The following RANBP2 variants were observed in gnomAD, a reference collection of about 807,000 sequenced individuals.
RANBP2 encodes RAN binding protein 2.
Under a neutral mutation model 303.6 loss-of-function variants are expected in RANBP2, and 57 were observed. That is an observed-to-expected ratio of 0.19 (90% CI 0.15 to 0.23). RANBP2 has a LOEUF of 0.23. Among genes scored for constraint, RANBP2 ranks in the 10% least tolerant of loss-of-function variants. The pLI is 1.00. For synonymous variants in RANBP2, 1,167 were observed against 1,301.5 expected, an observed-to-expected ratio of 0.90 and a Z score of 2.23; for missense variants, 3,138 against 3,780.8, an observed-to-expected ratio of 0.83 and a Z score of 4.46.
At chr2:108,943,618 G>C in the RANBP2 span, among the ~76,000 whole-genome samples, 1 of 152,168 alleles carries the variant, frequency 6.6e-6, no homozygotes, top group South Asian at 2.1e-4. Flanking sequence ...TCACTTCCGA[G>C]CACAACAGAA....
At chr2:108,727,161 A>T (rs1269784265) in intron 1 of RANBP2, among the ~76,000 whole-genome samples, 27 of 152,058 alleles carry the variant, frequency 1.8e-4, no homozygotes, top group Admixed American at 1.3e-3. Context: ...CACCTCCCAG[A>T]CGGGGTGGTG....
the RANBP2 span, among the ~76,000 whole-genome samples, chr2:109,243,046 T>C: frequency 6.6e-6 from 1 of 152,220 alleles, no homozygotes; most frequent in Non-Finnish European, 1.5e-5. Flanking sequence ...TGTCGTGATT[T>C]GTGAGAACAA....
the RANBP2 span, among the ~76,000 whole-genome samples, chr2:108,990,708 G>A: frequency 1.3e-5 from 2 of 152,314 alleles, no homozygotes; most frequent in South Asian, 4.1e-4. Flanking sequence ...CTGAACCAGA[G>A]TTACTTAGCT....
At chr2:109,140,597 G>A in the RANBP2 span, among the ~76,000 whole-genome samples, 62,794 of 151,878 alleles carry the variant, frequency 0.41, 14,717 homozygotes, top group Non-Finnish European at 0.54. Flanking sequence ...TAACCAGGAT[G>A]GTCTTGATCT....
the RANBP2 span, among the ~76,000 whole-genome samples, chr2:109,411,503 A>G: frequency 1.3e-5 from 2 of 152,138 alleles, no homozygotes; most frequent in Admixed American, 1.3e-4. Context: ...CCACCAGCAA[A>G]TTGCTGCTCG....
At chr2:109,616,005 G>C in the RANBP2 span, 1 of 1,535,790 alleles carries the variant, frequency 6.5e-7, no homozygotes, top group Admixed American at 2.1e-5. Flanking sequence ...AGTGGGGGAG[G>C]AACGACCTGT....
At chr2:108,895,123 C>G in the RANBP2 span, 1 of 152,626 alleles carries the variant, frequency 6.6e-6, no homozygotes, top group African/African-American at 2.4e-5. Flanking sequence ...CAGGGTAAAC[C>G]AAATAGGTTC....
the RANBP2 span, among the ~76,000 whole-genome samples, chr2:109,469,328 G>C: frequency 1.1e-3 from 164 of 152,370 alleles, no homozygotes; most frequent in African/African-American, 3.8e-3. Context: ...GGGGTGTGTG[G>C]CATGCGGCTG....
At chr2:109,259,301 C>T in the RANBP2 span, among the ~76,000 whole-genome samples, 2 of 152,314 alleles carry the variant, frequency 1.3e-5, no homozygotes, top group East Asian at 3.9e-4. Context: ...TCTGAGTGTG[C>T]AGAGGCCTGG....
the RANBP2 span, among the ~76,000 whole-genome samples, chr2:109,365,725 A>G: frequency 1.3e-5 from 2 of 152,150 alleles, no homozygotes; most frequent in East Asian, 1.9e-4. Context: ...AGGAACATTT[A>G]TGTTATTTAG....
chr2:108,778,383 T>A (rs1678024743), intron 25 of RANBP2, among the ~76,000 whole-genome samples: 1 of 152,244 alleles, frequency 6.6e-6, no homozygotes, highest in Non-Finnish European at 1.5e-5. Flanking sequence ...TTTGAAACTG[T>A]AAATGCCTTG....
At chr2:109,387,914 GT>G in the RANBP2 span, among the ~76,000 whole-genome samples, 5 of 151,640 alleles carry the variant, frequency 3.3e-5, no homozygotes, top group Non-Finnish European at 7.4e-5. Context: ...TTCCTGACTC[GT>G]TCCACTGCTC....
At chr2:108,740,990 T>C (rs1696033805) in intron 7 of RANBP2, among the ~76,000 whole-genome samples, 2 of 152,156 alleles carry the variant, frequency 1.3e-5, no homozygotes, top group South Asian at 2.1e-4. Context: ...TCTCGTATTA[T>C]GGGTAAAGCT....
the RANBP2 span, among the ~76,000 whole-genome samples, chr2:108,880,683 C>T: frequency 6.6e-6 from 1 of 152,174 alleles, no homozygotes; most frequent in Non-Finnish European, 1.5e-5. Flanking sequence ...GCCTGGATGA[C>T]AGCACATCTG....
chr2:109,351,193 C>G, the RANBP2 span, among the ~76,000 whole-genome samples: 1 of 152,212 alleles, frequency 6.6e-6, no homozygotes, highest in South Asian at 2.1e-4. Context: ...GGGCCCAGCT[C>G]TGCCAGCTGG....
the RANBP2 span, among the ~76,000 whole-genome samples, chr2:109,391,309 A>G: frequency 6.6e-6 from 1 of 152,208 alleles, no homozygotes. Context: ...TGCTTCAGCC[A>G]TTACAGGACG....
the RANBP2 span, chr2:109,398,940 C>T: frequency 6.2e-7 from 1 of 1,610,284 alleles, no homozygotes; most frequent in African/African-American, 1.3e-5. Flanking sequence ...CTGCTCCCAC[C>T]CAGGTAACAT....
chr2:109,044,964 G>A, the RANBP2 span, among the ~76,000 whole-genome samples: 15 of 152,300 alleles, frequency 9.8e-5, no homozygotes, highest in East Asian at 1.5e-3. Flanking sequence ...AGGATTTACT[G>A]TAATAGGCCT....
the RANBP2 span, among the ~76,000 whole-genome samples, chr2:109,009,744 CTA>C: frequency 7.4e-6 from 1 of 135,488 alleles, no homozygotes; most frequent in East Asian, 2.5e-4. Flanking sequence ...AAGGATCTCT[CTA>C]TGTTTACCCA....
Sources: allele counts gnomAD v4.1 joint callset (sites outside exome capture counted in the v4.1 genomes callset), GRCh38; gene constraint gnomAD v4.1.1; transcripts MANE v1.5; gene names NCBI Gene and HGNC (gene_info 2026-07-23, HGNC 2026-07-21).